The following VPS13D variants were observed in gnomAD, a reference collection of about 807,000 sequenced individuals.
VPS13D encodes vacuolar protein sorting 13 homolog D.
In VPS13D, 187 loss-of-function variants were observed where a neutral mutation model predicts 461.9. That is an observed-to-expected ratio of 0.40 (90% CI 0.36 to 0.46). The LOEUF (loss-of-function observed/expected upper bound fraction) is 0.46, where lower values mean the gene tolerates loss of function less well. Among genes scored for constraint, VPS13D ranks in the 20% least tolerant of loss-of-function variants. The probability of loss-of-function intolerance (pLI) is 0.60; values close to 1 mark genes in which losing one functional copy is unlikely to be tolerated. For missense variants in VPS13D, 4,711 were observed against 5,364.9 expected, an observed-to-expected ratio of 0.88 and a Z score of 3.81; for synonymous variants, 1,951 against 1,986.3, an observed-to-expected ratio of 0.98 and a Z score of 0.47.
At chr1:12,319,655 A>G (rs2101524278) in intron 32 of VPS13D, 25 bp downstream of exon 32, 2 of 1,614,092 alleles carry the variant, frequency 1.2e-6, no homozygotes, top group African/African-American at 2.7e-5. Flanking sequence ...TGTTGATCAC[A>G]GCACTGCGTG....
At chr1:12,503,719 C>T (rs1646065021) in intron 68 of VPS13D, among the ~76,000 whole-genome samples, 1 of 152,170 alleles carries the variant, frequency 6.6e-6, no homozygotes, top group African/African-American at 2.4e-5. Flanking sequence ...AAGGAGTTTG[C>T]TCAGGGCCAC....
intron 5 of VPS13D, among the ~76,000 whole-genome samples, chr1:12,248,545 A>G (rs1473925841): frequency 2.6e-5 from 4 of 151,966 alleles, no homozygotes; most frequent in Admixed American, 6.6e-5. Flanking sequence ...AGGTCTTGCT[A>G]TGTTGCCTAG....
chr1:12,276,236 A>G lies in VPS13D; in HGVS notation c.2648A>G (p.Lys883Arg). 6.2e-7 allele frequency: 1 copy of G among 1,613,978 alleles called. No individual in the cohort carries two copies. The change falls in exon 19 of 70, where the codon AAA becomes AGA. Residue 883 changes from lysine (K) to arginine (R), a missense_variant. This residue lies in a region of VPS13D where 4,411 missense variants were observed against 4,937.8 expected (regional missense o/e 0.89). Coordinates refer to ENST00000620676, the MANE Select transcript of VPS13D (RefSeq NM_015378.4). The surrounding 1 kb of genome is among the most constrained non-coding windows in gnomAD (Gnocchi z 4.5). ...AVLSGNLPDL[K>R]IHINEDKISA... is the part of the protein sequence containing the mutation. The stretch of plus-strand genomic sequence containing the variant: ...CTCTCAGGCAACTTACCAGACTTAA[A>G]AATCCACATTAATGAAGATAAAATA...
intron 65 of VPS13D, among the ~76,000 whole-genome samples, chr1:12,451,213 G>A (rs1005474712): frequency 6.6e-6 from 1 of 152,198 alleles, no homozygotes; most frequent in Non-Finnish European, 1.5e-5. Context: ...CCCAAACCCA[G>A]GCTAATTTGC....
At chr1:12,288,970 T>C (rs1642050348) in intron 22 of VPS13D, among the ~76,000 whole-genome samples, 1 of 152,198 alleles carries the variant, frequency 6.6e-6, no homozygotes, top group Non-Finnish European at 1.5e-5. Flanking sequence ...GCCTTCCAGA[T>C]AGCTGGAATT....
At chr1:12,497,278 A>G (rs1645972243) in intron 67 of VPS13D, 1 of 381,992 alleles carries the variant, frequency 2.6e-6, no homozygotes, top group Admixed American at 4.6e-5. Flanking sequence ...CAACTTATCC[A>G]TGATCACATG....
intron 60 of VPS13D, among the ~76,000 whole-genome samples, chr1:12,390,338 A>G (rs1264800269): frequency 6.6e-6 from 1 of 152,150 alleles, no homozygotes; most frequent in Non-Finnish European, 1.5e-5. Flanking sequence ...TCTAGTTGGC[A>G]TTGTAATTGT....
At position 12,456,082 on chromosome 1, in the gene VPS13D, G is replaced by C; in HGVS notation, c.12418G>C (p.Ala4140Pro). 3 of 1,613,910 alleles carry C rather than the reference G, an allele frequency of 1.9e-6. No individual in the cohort carries two copies. The highest frequency in any genetic ancestry group is 2.5e-6 in the Non-Finnish European group (3 of 1,179,924). ...GCGGGAGTACATCAGGTACCATGCA[G>C]CCACAAGTGGTGAACACCTTGTAGC... ...SEREYIRYHA[A>P]TSGEHLVAGI... The change falls in exon 66 of 70, where the codon GCC (alanine) becomes CCC (proline). Residue 4140 changes from alanine (A) to proline (P), a missense_variant. Transcript: ENST00000620676.
intron 32 of VPS13D, among the ~76,000 whole-genome samples, chr1:12,320,818 A>G (rs1643015406): frequency 6.6e-6 from 1 of 152,254 alleles, no homozygotes; most frequent in African/African-American, 2.4e-5. Context: ...ACATGGCAAA[A>G]TATTTGAGAT....
chr1:12,425,580 T>A (rs987062142), intron 65 of VPS13D, among the ~76,000 whole-genome samples: 14 of 150,888 alleles, frequency 9.3e-5, no homozygotes, highest in African/African-American at 3.2e-4. Context: ...AAAAAAAATA[T>A]CAGCGATGTG....
chr1:12,271,343 G>A (rs545010102), intron 17 of VPS13D, among the ~76,000 whole-genome samples: 1 of 152,170 alleles, frequency 6.6e-6, no homozygotes, highest in Non-Finnish European at 1.5e-5. Flanking sequence ...TAGATTCTGT[G>A]TCTCCTTGCA....
intron 5 of VPS13D, among the ~76,000 whole-genome samples, chr1:12,247,382 A>G (rs930340259): frequency 6.7e-6 from 1 of 148,850 alleles, no homozygotes; most frequent in Non-Finnish European, 1.5e-5. Context: ...ACACCATTGC[A>G]CTCCAGCCTG....
intron 60 of VPS13D, among the ~76,000 whole-genome samples, chr1:12,398,699 G>A (rs186599244): frequency 8.3e-4 from 127 of 152,284 alleles, no homozygotes; most frequent in Middle Eastern, 3.4e-3. Context: ...TCAGGGCTGT[G>A]TAAATAGAGT....
intron 7 of VPS13D, among the ~76,000 whole-genome samples, chr1:12,255,856 A>G (rs1449285162): frequency 5.3e-5 from 8 of 149,762 alleles, no homozygotes; most frequent in Non-Finnish European, 7.4e-5. Flanking sequence ...GCATCACTGC[A>G]CTCCAGCCTG....
intron 65 of VPS13D, among the ~76,000 whole-genome samples, chr1:12,444,392 T>TG (rs1180632363): frequency 6.6e-6 from 1 of 152,190 alleles, no homozygotes; most frequent in African/African-American, 2.4e-5. Flanking sequence ...TTGTAGAACT[T>TG]CTTGAATTTG....
chr1:12,308,687 C>A (rs772275798), intron 27 of VPS13D, 46 bp downstream of exon 27: 2 of 1,587,252 alleles, frequency 1.3e-6, no homozygotes, highest in Admixed American at 1.7e-5. Context: ...GCTCTGTTCA[C>A]CAGGCAGGGT....
chr1:12,431,760 A>G (rs1644995119), intron 65 of VPS13D, among the ~76,000 whole-genome samples: 1 of 152,086 alleles, frequency 6.6e-6, no homozygotes, highest in African/African-American at 2.4e-5. Flanking sequence ...AAGGGGCTGC[A>G]GGTAGTACAG....
At chr1:12,305,214 C>G (rs1642528995) in intron 26 of VPS13D, among the ~76,000 whole-genome samples, 1 of 152,164 alleles carries the variant, frequency 6.6e-6, no homozygotes, top group African/African-American at 2.4e-5. Flanking sequence ...TTCTTCTCTC[C>G]AATATAAGAA....
intron 67 of VPS13D, among the ~76,000 whole-genome samples, chr1:12,474,473 G>A (rs970235422): frequency 1.2e-4 from 18 of 151,420 alleles, no homozygotes; most frequent in South Asian, 6.4e-4. Context: ...TATGTAGGTC[G>A]GGGTCCCCTA....
Sources: gnomAD v4.1 joint callset for allele counts (sites outside exome capture counted in the v4.1 genomes callset) on GRCh38, gnomAD v4.1.1 for gene constraint, gnomAD v4.1.1 regional missense constraint, Gnocchi (gnomAD v3.1) non-coding constraint, MANE v1.5 for transcripts, NCBI Gene and HGNC (gene_info 2026-07-23, HGNC 2026-07-21) for gene names.